The following ESRRG variants were observed in gnomAD, a reference collection of about 807,000 sequenced individuals.
The protein encoded by ESRRG is estrogen related receptor gamma.
Under a neutral mutation model 44.0 loss-of-function variants are expected in ESRRG, and 13 were observed. That is an observed-to-expected ratio of 0.30 (90% CI 0.19 to 0.47). The LOEUF is 0.47. Among genes scored for constraint, ESRRG ranks in the 20% least tolerant of loss-of-function variants. ESRRG has a pLI of 1.00. For synonymous variants in ESRRG, 215 were observed against 214.6 expected (o/e 1.00, Z -0.02); for missense variants, 395 against 580.6 (o/e 0.68, Z 3.29).
chr1:216,955,284 T>C (rs1258212771), intron 1 of ESRRG, among the ~76,000 whole-genome samples: 1 of 152,174 alleles, frequency 6.6e-6, no homozygotes, highest in Non-Finnish European at 1.5e-5. Context: ...TGTAAGAACA[T>C]CCAGGGTATT....
At chr1:216,783,539 T>G (rs2094009736) in intron 2 of ESRRG, among the ~76,000 whole-genome samples, 1 of 152,106 alleles carries the variant, frequency 6.6e-6, no homozygotes, top group Non-Finnish European at 1.5e-5. Context: ...TTAGTTTCTG[T>G]TGTGCATTTA....
intron 1 of ESRRG, among the ~76,000 whole-genome samples, chr1:217,053,147 A>AC (rs2086389005): frequency 6.6e-6 from 1 of 151,184 alleles, no homozygotes; most frequent in South Asian, 2.1e-4. Context: ...AAAAAAAAAA[A>AC]AAAAAACAGA....
intron 2 of ESRRG, among the ~76,000 whole-genome samples, chr1:216,907,520 A>G (rs532554669): frequency 2.0e-5 from 3 of 152,170 alleles, no homozygotes; most frequent in Non-Finnish European, 4.4e-5. Flanking sequence ...ATGAACAAGT[A>G]TGGTTAAGTA....
At chr1:216,741,262 A>ATAATTTATATTATATAATTTATATTTG (rs1559476448) in intron 2 of ESRRG, among the ~76,000 whole-genome samples, 2 of 139,908 alleles carry the variant, frequency 1.4e-5, no homozygotes, top group African/African-American at 5.9e-5. Context: ...ATTTATATTT[A>ATAATTTATATTATATAATTTATATTTG]TAATTTATAT....
At chr1:216,952,330 A>C (rs1176953683) in intron 1 of ESRRG, among the ~76,000 whole-genome samples, 5 of 152,276 alleles carry the variant, frequency 3.3e-5, no homozygotes, top group Non-Finnish European at 7.4e-5. Flanking sequence ...AGTGGCCCTC[A>C]TAGCTAATTG....
chr1:217,028,806 C>G (rs1579738071), intron 1 of ESRRG, among the ~76,000 whole-genome samples: 1 of 152,168 alleles, frequency 6.6e-6, no homozygotes, highest in East Asian at 1.9e-4. Flanking sequence ...ATGGCTCTGT[C>G]TAGCCTCTAT....
intron 2 of ESRRG, among the ~76,000 whole-genome samples, chr1:216,931,044 G>A (rs1335604660): frequency 6.6e-6 from 1 of 152,214 alleles, no homozygotes; most frequent in Non-Finnish European, 1.5e-5. Context: ...GGCATGTTAA[G>A]CGATATTATT....
chr1:216,606,947 A>T (rs1309566481), intron 3 of ESRRG, among the ~76,000 whole-genome samples: 1 of 152,224 alleles, frequency 6.6e-6, no homozygotes, highest in Non-Finnish European at 1.5e-5. Context: ...TCTGGTTAAC[A>T]GAGAAAGGTA....
At chr1:216,650,380 G>A (rs932173643) in intron 3 of ESRRG, among the ~76,000 whole-genome samples, 5 of 152,112 alleles carry the variant, frequency 3.3e-5, no homozygotes, top group Admixed American at 6.6e-5. Context: ...GAATCAATAG[G>A]TTCAGTTCCT....
intron 2 of ESRRG, among the ~76,000 whole-genome samples, chr1:216,734,535 C>T (rs149010139): frequency 2.3e-4 from 35 of 152,242 alleles, no homozygotes; most frequent in African/African-American, 8.2e-4. Flanking sequence ...TGTGATATGC[C>T]TCTGCCCCTT....
intron 2 of ESRRG, among the ~76,000 whole-genome samples, chr1:216,929,316 C>T (rs1174146721): frequency 1.3e-5 from 2 of 150,546 alleles, no homozygotes; most frequent in Admixed American, 6.6e-5. Context: ...ATTTATTGTG[C>T]AACTACTCTG....
In ESRRG at chr1:217,023,320, C is replaced by T. The variant is rs192743151; in HGVS notation, c.-106+66187G>A. Among the ~76,000 whole-genome samples, 982 of 152,182 alleles carry T rather than the reference C, an allele frequency of 6.5e-3. 9 individuals carry two copies. The highest frequency in any genetic ancestry group is 0.021 in the African/African-American group (881 of 41,534). ...GGGTACAGGAAGGAAAGCAGAATAC[C>T]AGACACCAGGAGGAGGGTTCCCAGA... On this transcript the variant is annotated intron_variant, in intron 1 of 7. Transcript: ENST00000359162.
At chr1:216,765,002 G>C (rs2093003864) in intron 2 of ESRRG, among the ~76,000 whole-genome samples, 1 of 152,054 alleles carries the variant, frequency 6.6e-6, no homozygotes, top group African/African-American at 2.4e-5. Context: ...CCAGAACAAG[G>C]CTTGGTGAGG....
intron 3 of ESRRG, among the ~76,000 whole-genome samples, chr1:216,581,131 A>G (rs932208412): frequency 7.2e-5 from 11 of 152,322 alleles, no homozygotes; most frequent in African/African-American, 2.6e-4. Flanking sequence ...TTTGAAAGCA[A>G]CCAAAGAATA....
intron 1 of ESRRG, among the ~76,000 whole-genome samples, chr1:217,105,166 C>A (rs1270093376): frequency 1.3e-5 from 2 of 152,154 alleles, no homozygotes; most frequent in Non-Finnish European, 2.9e-5. Context: ...TCATGATCAC[C>A]CTTCCTTTGG....
chr1:216,711,315 C>G (rs2083555985), intron 1 of ESRRG, among the ~76,000 whole-genome samples: 1 of 152,152 alleles, frequency 6.6e-6, no homozygotes, highest in African/African-American at 2.4e-5. Flanking sequence ...CTCGGCTCCA[C>G]TGCCAACTCG....
chr1:216,880,528 T>C (rs767295123), intron 2 of ESRRG, among the ~76,000 whole-genome samples: 2 of 152,078 alleles, frequency 1.3e-5, no homozygotes, highest in African/African-American at 2.4e-5. Flanking sequence ...AGCCAGTTTT[T>C]ATTAGCTTAT....
chr1:216,582,310 C>T (rs2062939435), intron 3 of ESRRG, among the ~76,000 whole-genome samples: 1 of 152,156 alleles, frequency 6.6e-6, no homozygotes, highest in Admixed American at 6.5e-5. Context: ...TTGCTAAGCT[C>T]TGGTCTCCAC....
At chr1:216,548,738 C>T (rs527806566) in intron 5 of ESRRG, among the ~76,000 whole-genome samples, 3 of 152,116 alleles carry the variant, frequency 2.0e-5, no homozygotes, top group African/African-American at 7.2e-5. Flanking sequence ...GTTATAAATG[C>T]CTCCTTGCTC....
Sources: gnomAD v4.1 joint callset for allele counts (sites outside exome capture counted in the v4.1 genomes callset) on GRCh38, gnomAD v4.1.1 for gene constraint, MANE v1.5 for transcripts, NCBI Gene and HGNC (gene_info 2026-07-23, HGNC 2026-07-21) for gene names.